Variants in DZIP1 observed in about 807,000 individuals in gnomAD.
DZIP1 encodes cilium assembly protein DZIP1.
Under a neutral mutation model 107.6 loss-of-function variants are expected in DZIP1, and 97 were observed. The ratio of observed to expected loss-of-function variants is 0.90; its 90% CI spans 0.77 to 1.07. The LOEUF is 1.07. Ranked by LOEUF, DZIP1 falls within the 50% of genes least tolerant of loss-of-function variation. The probability of loss-of-function intolerance (pLI) is 0.00; values close to 1 mark genes in which losing one functional copy is unlikely to be tolerated. For missense variants in DZIP1, 1,035 were observed against 1,063.6 expected, an observed-to-expected ratio of 0.97 and a Z score of 0.37; for synonymous variants, 390 against 386.4, an observed-to-expected ratio of 1.01 and a Z score of -0.11.
intron 7 of DZIP1, among the ~76,000 whole-genome samples, chr13:95,628,138 C>G (rs1251643808): frequency 6.6e-6 from 1 of 152,034 alleles, no homozygotes; most frequent in Admixed American, 6.5e-5. Context: ...CTCCTGGACT[C>G]AAGCCATCTT....
Position 95,624,906 on chromosome 13 carries a change from T to C in DZIP1, c.834A>G (p.Lys278=), listed in dbSNP as rs1446612782. Residue 278 remains lysine, a synonymous_variant, in exon 8 of 23, where the codon AAA becomes AAG. Transcript: ENST00000376829. ...CAAATAACTTCAAAAAGTCTTCCTC[T>C]TTTGTTTTCTGCATTTCATATTCCT... ...FSKEYEMQKT[K]EEDFLKLFDR... is the part of the protein sequence containing the mutation. 6.2e-7 allele frequency: 1 copy of C among 1,606,406 alleles called. No individual in the cohort carries two copies. The highest frequency in any genetic ancestry group is 8.5e-7 in the Non-Finnish European group (1 of 1,178,008).
At chr13:95,608,764 G>T (rs940023034) in intron 13 of DZIP1, among the ~76,000 whole-genome samples, 3 of 152,088 alleles carry the variant, frequency 2.0e-5, no homozygotes, top group Admixed American at 6.6e-5. Context: ...GCTCAAGAAC[G>T]TCCTTTGGTC....
intron 13 of DZIP1, 88 bp from the exon 14 acceptor site, chr13:95,606,147 C>T (rs2044767822): frequency 1.6e-6 from 2 of 1,236,314 alleles, no homozygotes; most frequent in East Asian, 4.7e-5. Flanking sequence ...ATGCCGCAAA[C>T]TAGTCAAGAT....
chr13:95,624,648 A>G (rs1050969306), intron 8 of DZIP1, 120 bp downstream of exon 8: 8 of 886,890 alleles, frequency 9.0e-6, no homozygotes, highest in Non-Finnish European at 1.2e-5. Flanking sequence ...ACTCTCAGGG[A>G]GAAGAATGTC....
chr13:95,631,268 C>T (rs550562503), intron 6 of DZIP1, among the ~76,000 whole-genome samples: 1 of 152,010 alleles, frequency 6.6e-6, no homozygotes, highest in East Asian at 1.9e-4. Context: ...CCAGCCTGGG[C>T]AACACAGCAA....
At chr13:95,632,349 C>A (rs1203244927) in intron 6 of DZIP1, among the ~76,000 whole-genome samples, 1 of 152,130 alleles carries the variant, frequency 6.6e-6, no homozygotes, top group African/African-American at 2.4e-5. Context: ...CCGACCCTGG[C>A]CCTCCATCAC....
At chr13:95,606,606 T>C (rs1156372550) in intron 13 of DZIP1, among the ~76,000 whole-genome samples, 1 of 152,240 alleles carries the variant, frequency 6.6e-6, no homozygotes, top group Non-Finnish European at 1.5e-5. Context: ...ACATTCTGTG[T>C]TATAAACTGA....
intron 5 of DZIP1, among the ~76,000 whole-genome samples, chr13:95,635,284 C>T (rs1233802847): frequency 2.0e-5 from 3 of 150,766 alleles, no homozygotes; most frequent in African/African-American, 4.9e-5. Context: ...GCAGCTTTAA[C>T]CTCCCAGGTT....
intron 18 of DZIP1, among the ~76,000 whole-genome samples, chr13:95,589,536 G>A (rs74109006): frequency 0.018 from 2,749 of 152,210 alleles, 79 homozygotes; most frequent in African/African-American, 0.062. Flanking sequence ...CCCCATGATG[G>A]GATTGGTGCC....
Position 95,612,164 on chromosome 13 carries a change from A to C in DZIP1, c.1187T>G (p.Ile396Arg), listed in dbSNP as rs1379967671. 2 of 1,611,102 alleles carry C rather than the reference A, an allele frequency of 1.2e-6. No individual in the cohort carries two copies. The highest frequency in any genetic ancestry group is 1.1e-5 in the South Asian group (1 of 90,762). Reference protein sequence around the residue: ...KKEKGRLLSHIEKLRTSMIDD... With the variant: ...KKEKGRLLSHREKLRTSMIDD... ...TATCATTGAGGTTCGAAGTTTCTCTATATGTGACAGGAGCTGAAAAAAAGT... is the reference window on the plus strand; with the variant it reads ...TATCATTGAGGTTCGAAGTTTCTCTCTATGTGACAGGAGCTGAAAAAAAGT... The change falls in exon 11 of 23, where the codon ATA (isoleucine) becomes AGA (arginine). Residue 396 changes from isoleucine (I) to arginine (R), a missense_variant. Coordinates refer to ENST00000376829, the MANE Select transcript of DZIP1 (RefSeq NM_198968.4).
chr13:95,588,460 T>A (rs962446766), intron 19 of DZIP1, among the ~76,000 whole-genome samples: 3 of 152,226 alleles, frequency 2.0e-5, no homozygotes, highest in Non-Finnish European at 4.4e-5. Flanking sequence ...ATAAAATTAG[T>A]CTTACTCATA....
intron 12 of DZIP1, among the ~76,000 whole-genome samples, chr13:95,611,095 T>A (rs927319584): frequency 2.0e-5 from 3 of 152,096 alleles, no homozygotes; most frequent in African/African-American, 7.2e-5. Context: ...GAGATGGGAG[T>A]TGAACCCAGT....
At chr13:95,590,502 T>C (rs1265004322) in intron 16 of DZIP1, 61 bp from the exon 17 acceptor site, 2 of 1,498,930 alleles carry the variant, frequency 1.3e-6, no homozygotes, top group Non-Finnish European at 1.8e-6. Flanking sequence ...CATGGGCATA[T>C]ATCAGCATTA....
intron 10 of DZIP1, chr13:95,617,958 G>T (rs750336273): frequency 1.7e-5 from 9 of 518,906 alleles, no homozygotes; most frequent in Non-Finnish European, 3.1e-5. Context: ...AGGAACGAGG[G>T]TGCCATTTGC....
intron 5 of DZIP1, among the ~76,000 whole-genome samples, chr13:95,637,835 G>A (rs1878002229): frequency 6.6e-6 from 1 of 151,898 alleles, no homozygotes; most frequent in African/African-American, 2.4e-5. Flanking sequence ...TGGCAGCCTT[G>A]GCAGATTAGT....
chr13:95,600,976 T>A (rs1405586727), intron 14 of DZIP1, among the ~76,000 whole-genome samples: 1 of 152,232 alleles, frequency 6.6e-6, no homozygotes, highest in Non-Finnish European at 1.5e-5. Context: ...GGATAACTAA[T>A]TTCAGATTTT....
intron 10 of DZIP1, 110 bp downstream of exon 10, chr13:95,619,775 C>A: frequency 4.8e-6 from 5 of 1,032,996 alleles, no homozygotes; most frequent in South Asian, 1.8e-5. Flanking sequence ...TTTTGCTACA[C>A]ATTTCTCCCC....
At position 95,587,536 on chromosome 13, in the gene DZIP1, C is replaced by T. The variant is rs1056973963; in HGVS notation, c.2218+3G>A. ...CAGAGAGTTTTCCAAGGTAACAGCT[C>T]ACCTGCGGGCTTGGGAGAATCATCA... On this transcript the variant is annotated splice_donor_region_variant and intron_variant, in intron 20 of 22. Transcript: ENST00000376829. 11 of 1,613,372 alleles carry T rather than the reference C, an allele frequency of 6.8e-6. No individual in the cohort carries two copies. Among genetic ancestry groups the T allele is most frequent in the Non-Finnish European group, 9.3e-6 (11 of 1,179,584 alleles).
chr13:95,624,043 C>T (rs1594718856), intron 8 of DZIP1, among the ~76,000 whole-genome samples: 1 of 152,082 alleles, frequency 6.6e-6, no homozygotes, highest in Admixed American at 6.5e-5. Context: ...CCAAATCTCA[C>T]GCTAGAGTTT....
Sources: gnomAD v4.1 joint callset for allele counts (sites outside exome capture counted in the v4.1 genomes callset) on GRCh38, gnomAD v4.1.1 for gene constraint, MANE v1.5 for transcripts, NCBI Gene and HGNC (gene_info 2026-07-23, HGNC 2026-07-21) for gene names.